The following LIMD1 variants were observed in gnomAD, a reference collection of about 807,000 sequenced individuals.
LIMD1 encodes LIM domain-containing protein 1.
LIMD1 carries 23 observed loss-of-function variants against 58.4 expected under a neutral mutation model. That is an observed-to-expected ratio of 0.39 (90% confidence interval 0.28 to 0.56). The LOEUF is 0.56. Ranked by LOEUF, LIMD1 falls within the 20% of genes least tolerant of loss-of-function variation. The pLI, the probability that LIMD1 is intolerant of heterozygous loss-of-function variation, is 0.57. For missense variants in LIMD1, 838 were observed against 855.5 expected (o/e 0.98, Z 0.25); for synonymous variants, 334 against 345.5 (o/e 0.97, Z 0.37).
intron 2 of LIMD1, among the ~76,000 whole-genome samples, chr3:45,665,410 A>G (rs1697502706): frequency 6.6e-6 from 1 of 152,034 alleles, no homozygotes; most frequent in Admixed American, 6.6e-5. Context: ...ATGACTTCCA[A>G]GTCAGCCCTT....
chr3:45,637,154 C>T (rs1559519929), intron 2 of LIMD1, among the ~76,000 whole-genome samples: 1 of 152,142 alleles, frequency 6.6e-6, no homozygotes, highest in African/African-American at 2.4e-5. Flanking sequence ...CTTTAAAACC[C>T]TGCTAATCAG....
At chr3:45,673,248 G>A (rs1273283529) in intron 5 of LIMD1, among the ~76,000 whole-genome samples, 1 of 152,112 alleles carries the variant, frequency 6.6e-6, no homozygotes, top group African/African-American at 2.4e-5. Context: ...AAGAGTGAGA[G>A]GCAGCCAGTG....
chr3:45,596,244 T>A lies in LIMD1; in HGVS notation c.1365T>A (p.Arg455=). The change falls in exon 1 of 8, where the codon CGT becomes CGA. Residue 455 remains arginine, a synonymous_variant. Coordinates refer to ENST00000273317, the MANE Select transcript of LIMD1 (RefSeq NM_014240.3). ...TGAAATTAGAAGCCCTCACCCAACG[T>A]CTGGAGCGAGAGATGGATGCTCACC... ...AELKLEALTQ[R]LEREMDAHPK... 6.2e-7 allele frequency: 1 copy of A among 1,611,650 alleles called. No individual in the cohort carries two copies. Among genetic ancestry groups the A allele is most frequent in the Non-Finnish European group, 8.5e-7 (1 of 1,179,234 alleles).
intron 2 of LIMD1, among the ~76,000 whole-genome samples, chr3:45,652,829 G>A (rs116223539): frequency 0.015 from 2,310 of 152,300 alleles, 45 homozygotes; most frequent in African/African-American, 0.053. Context: ...ACATCTCTGG[G>A]TTGTCTCTGT....
chr3:45,660,368 G>A (rs994189794), intron 2 of LIMD1, among the ~76,000 whole-genome samples: 5 of 145,530 alleles, frequency 3.4e-5, no homozygotes, highest in Non-Finnish European at 6.0e-5. Context: ...GAATAGTTTT[G>A]CTTACTGGTT....
intron 2 of LIMD1, among the ~76,000 whole-genome samples, chr3:45,660,575 C>A (rs912516386): frequency 6.6e-6 from 1 of 152,114 alleles, no homozygotes; most frequent in Admixed American, 6.5e-5. Context: ...GCCACCATGC[C>A]AAGCTAATTT....
chr3:45,630,620 G>C (rs1250950342), intron 1 of LIMD1, among the ~76,000 whole-genome samples: 1 of 152,058 alleles, frequency 6.6e-6, no homozygotes, highest in Non-Finnish European at 1.5e-5. Context: ...GGCCAGGGTG[G>C]GTAGTAGGAG....
intron 2 of LIMD1, among the ~76,000 whole-genome samples, chr3:45,640,892 C>T (rs1205208752): frequency 6.6e-6 from 1 of 152,258 alleles, no homozygotes; most frequent in African/African-American, 2.4e-5. Flanking sequence ...CACCCTCCTG[C>T]TCTGTGAATG....
rs969121741 is a variant in LIMD1 at position 45,680,304 on chromosome 3, ATTTTC to A, written c.*3260_*3264del. 3.3e-5 allele frequency: 5 copies of A among 151,304 alleles called. No homozygotes were observed. The East Asian group carries it at 5.9e-4, about 18-fold the overall frequency. 9.4% of individuals were successfully genotyped at this position (151,304 alleles called of 1,614,324 possible). On this transcript the variant is annotated 3_prime_UTR_variant, in exon 8 of 8. Coordinates refer to ENST00000273317, the MANE Select transcript of LIMD1 (RefSeq NM_014240.3). ...AAAACTCTATCTGCCAGGAAACCAA[ATTTTC>A]TTTTCTTTTCTTTTTTTTTTTGAGA...
chr3:45,671,039 T>G (rs1054195163), intron 4 of LIMD1, among the ~76,000 whole-genome samples: 3 of 152,338 alleles, frequency 2.0e-5, no homozygotes, highest in African/African-American at 7.2e-5. Context: ...TAAATTAATT[T>G]AAGGATCTCT....
chr3:45,603,943 A>G (rs1701442700), intron 1 of LIMD1, among the ~76,000 whole-genome samples: 1 of 152,254 alleles, frequency 6.6e-6, no homozygotes, highest in Non-Finnish European at 1.5e-5. Context: ...AGATCAAGGC[A>G]GAACATGACC....
chr3:45,622,500 T>C (rs1472311327), intron 1 of LIMD1, among the ~76,000 whole-genome samples: 1 of 152,134 alleles, frequency 6.6e-6, no homozygotes, highest in African/African-American at 2.4e-5. Context: ...AGAACAATTA[T>C]AGCACAATTA....
chr3:45,597,950 T>A (rs377305446), intron 1 of LIMD1, among the ~76,000 whole-genome samples: 8 of 152,346 alleles, frequency 5.3e-5, no homozygotes, highest in African/African-American at 1.4e-4. Context: ...TGTTTATGGC[T>A]TACTTTTTTT....
chr3:45,634,470 T>A (rs1701767143), intron 1 of LIMD1, among the ~76,000 whole-genome samples: 1 of 152,222 alleles, frequency 6.6e-6, no homozygotes, highest in African/African-American at 2.4e-5. Flanking sequence ...GCCCAGAACT[T>A]CTTAGACAGC....
Position 45,624,446 on chromosome 3 carries a change from G to A in LIMD1, c.1409-11704G>A, listed in dbSNP as rs188841831. ...CCATCGGCCAGGCGCGGTGTCTCAC[G>A]CCTGTAATCCCAGCACTTTGGGAGG... On this transcript the variant is annotated intron_variant, in intron 1 of 7. Coordinates refer to ENST00000273317, the MANE Select transcript of LIMD1 (RefSeq NM_014240.3). Among the ~76,000 whole-genome samples, 478 of 152,240 alleles carry A rather than the reference G, an allele frequency of 3.1e-3. 2 individuals are homozygous for A. Among genetic ancestry groups the A allele is most frequent in the African/African-American group, 0.011 (467 of 41,534 alleles).
chr3:45,654,328 G>A (rs2125664774), intron 2 of LIMD1, among the ~76,000 whole-genome samples: 1 of 152,314 alleles, frequency 6.6e-6, no homozygotes, highest in Non-Finnish European at 1.5e-5. Flanking sequence ...CCAAGGACCA[G>A]TTATGTTTCC....
chr3:45,659,572 C>T (rs554917764), intron 2 of LIMD1, among the ~76,000 whole-genome samples: 3 of 151,938 alleles, frequency 2.0e-5, no homozygotes, highest in African/African-American at 7.3e-5. Flanking sequence ...GAGTCAGGCT[C>T]CATCTCAAAA....
intron 7 of LIMD1, among the ~76,000 whole-genome samples, chr3:45,675,865 GGC>G (rs1697660396): frequency 6.6e-6 from 1 of 152,096 alleles, no homozygotes; most frequent in African/African-American, 2.4e-5. Context: ...AAATTAGCCA[GGC>G]ATGCTGTGCC....
chr3:45,617,653 G>A (rs1228392140), intron 1 of LIMD1, among the ~76,000 whole-genome samples: 1 of 152,232 alleles, frequency 6.6e-6, no homozygotes, highest in Non-Finnish European at 1.5e-5. Flanking sequence ...TCACTCACCT[G>A]GTAAGCTGCA....
Sources: gnomAD v4.1 joint callset for allele counts (sites outside exome capture counted in the v4.1 genomes callset) on GRCh38, gnomAD v4.1.1 for gene constraint, MANE v1.5 for transcripts, NCBI Gene and HGNC (gene_info 2026-07-23, HGNC 2026-07-21) for gene names.